Variants in ORC1 observed in about 807,000 individuals in gnomAD.
ORC1 encodes the protein origin recognition complex subunit 1, also known as origin recognition complex, subunit 1 homolog.
ORC1 carries 61 observed loss-of-function variants against 98.9 expected under a neutral mutation model. That is an observed-to-expected ratio of 0.62 (90% CI 0.50 to 0.76). The LOEUF is 0.76. Ranked by LOEUF, ORC1 falls within the 30% of genes least tolerant of loss-of-function variation. The pLI is 0.00. For missense variants in ORC1, 979 were observed against 1,072.2 expected (o/e 0.91, Z 1.21); for synonymous variants, 385 against 406.9 (o/e 0.95, Z 0.65).
At chr1:52,374,125 C>T (rs986941326) in intron 16 of ORC1, among the ~76,000 whole-genome samples, 1 of 152,162 alleles carries the variant, frequency 6.6e-6, no homozygotes, top group Non-Finnish European at 1.5e-5. Context: ...GAAATGTTTA[C>T]AAACTAAAAT....
chr1:52,375,483 G>A lies in ORC1; in HGVS notation c.2250C>T (p.His750=), dbSNP rs763565185. 1 of 1,614,200 alleles carries A rather than the reference G, an allele frequency of 6.2e-7. No homozygotes were observed. Among genetic ancestry groups the A allele is most frequent in the Non-Finnish European group, 8.5e-7 (1 of 1,180,026 alleles). Residue 750 remains histidine (H), a synonymous_variant, in exon 15 of 17, where the codon CAC becomes CAT. Coordinates refer to ENST00000371568, the MANE Select transcript of ORC1 (RefSeq NM_004153.4). The part of the protein sequence containing the change: ...PDSPGLVTIA[H]SMEAVDEMFS... ...ACATCTCATCCACAGCTTCCATTGA[G>A]TGGGCTATGGTGACCAGGCCAGGGG...
chr1:52,401,721 T>C (rs541353772), intron 2 of ORC1, among the ~76,000 whole-genome samples: 1 of 152,296 alleles, frequency 6.6e-6, no homozygotes, highest in African/African-American at 2.4e-5. Context: ...CTAATTCCTC[T>C]CAGTTATTGA....
At position 52,375,606 on chromosome 1, in the gene ORC1, G is replaced by T; in HGVS notation, c.2134-7C>A. The T allele has an allele frequency of 6.2e-7, 1 of 1,613,410 alleles. No individual in the cohort carries two copies. Among genetic ancestry groups the T allele is most frequent in the Non-Finnish European group, 8.5e-7 (1 of 1,179,942 alleles). ...CTCCAGACAGTGCTGCTACCTACAA[G>T]AGGGAATATTTTATTCCTGAGGCCA... On this transcript the variant is annotated splice_region_variant and splice_polypyrimidine_tract_variant and intron_variant, in intron 14 of 16. Transcript: ENST00000371568.
intron 3 of ORC1, among the ~76,000 whole-genome samples, chr1:52,400,482 G>A (rs1230512561): frequency 3.3e-5 from 5 of 152,186 alleles, no homozygotes; most frequent in Admixed American, 6.5e-5. Context: ...GTGAAACCAC[G>A]GATAAGGGGG....
chr1:52,395,938 C>A, intron 5 of ORC1, 108 bp downstream of exon 5: 2 of 1,538,462 alleles, frequency 1.3e-6, no homozygotes, highest in Non-Finnish European at 1.8e-6. Context: ...GAGTTCCAGG[C>A]TATAGTGCAC....
At chr1:52,396,996 T>C (rs1647433902) in intron 4 of ORC1, among the ~76,000 whole-genome samples, 1 of 152,244 alleles carries the variant, frequency 6.6e-6, no homozygotes, top group Admixed American at 6.5e-5. Context: ...CTCCAAGCCC[T>C]GTGCCTCTCC....
chr1:52,396,794 C>A (rs1226664063), intron 4 of ORC1, among the ~76,000 whole-genome samples: 3 of 152,196 alleles, frequency 2.0e-5, no homozygotes, highest in Non-Finnish European at 4.4e-5. Context: ...AGTTTCCCCA[C>A]AAACTTATCT....
intron 5 of ORC1, among the ~76,000 whole-genome samples, chr1:52,394,197 G>A (rs1043832161): frequency 3.9e-5 from 6 of 152,156 alleles, no homozygotes; most frequent in Non-Finnish European, 8.8e-5. Flanking sequence ...GTAACAATGA[G>A]GCCAAGATTT....
At chr1:52,404,700 A>G (rs544190409), upstream of ORC1, 1 of 1,591,932 alleles carries the variant, frequency 6.3e-7, no homozygotes, top group East Asian at 2.2e-5. Flanking sequence ...CTGAACCTGG[A>G]TGTGAGGCAT....
chr1:52,408,443 C>T, upstream of ORC1: 5 of 1,288,766 alleles, frequency 3.9e-6, no homozygotes, highest in Non-Finnish European at 5.6e-6. Flanking sequence ...TCTACCTCCA[C>T]AATTGCAGCT....
intron 16 of ORC1, among the ~76,000 whole-genome samples, chr1:52,374,076 A>G (rs1224624411): frequency 6.6e-6 from 1 of 152,226 alleles, no homozygotes; most frequent in African/African-American, 2.4e-5. Context: ...TTGGGGTTCA[A>G]GGATTCATCA....
At chr1:52,381,000 T>C (rs1489018404) in intron 14 of ORC1, among the ~76,000 whole-genome samples, 2 of 152,226 alleles carry the variant, frequency 1.3e-5, no homozygotes, top group East Asian at 3.8e-4. Flanking sequence ...AATAAGTTTA[T>C]AATTATTTTA....
At chr1:52,394,699 A>G (rs1431647682) in intron 5 of ORC1, among the ~76,000 whole-genome samples, 1 of 152,036 alleles carries the variant, frequency 6.6e-6, no homozygotes, top group Non-Finnish European at 1.5e-5. Context: ...CTCAGACTGG[A>G]GTGCAATAGC....
chr1:52,376,385 C>T (rs1341410648), intron 14 of ORC1, among the ~76,000 whole-genome samples: 2 of 152,058 alleles, frequency 1.3e-5, no homozygotes, highest in Admixed American at 6.6e-5. Context: ...CATGGTGGCA[C>T]ATGCCTGTAA....
chr1:52,404,746 T>C (rs1647921928), upstream of ORC1: 2 of 1,612,334 alleles, frequency 1.2e-6, no homozygotes, highest in Non-Finnish European at 8.5e-7. Context: ...GAAGGCATTC[T>C]AAAATGGCTA....
chr1:52,394,068 C>G (rs1007226862), intron 5 of ORC1, among the ~76,000 whole-genome samples: 2 of 152,188 alleles, frequency 1.3e-5, no homozygotes, highest in Non-Finnish European at 2.9e-5. Flanking sequence ...TTTCTCATCT[C>G]TAACAGGTTT....
intron 1 of ORC1, among the ~76,000 whole-genome samples, chr1:52,403,947 A>T (rs1647860135): frequency 6.6e-6 from 1 of 152,174 alleles, no homozygotes; most frequent in Non-Finnish European, 1.5e-5. Flanking sequence ...AGATGGAGGG[A>T]AAGTCATCAC....
At chr1:52,393,071 C>G (rs911757935) in intron 6 of ORC1, among the ~76,000 whole-genome samples, 10 of 152,146 alleles carry the variant, frequency 6.6e-5, no homozygotes, top group African/African-American at 2.4e-4. Context: ...GAAACAACAA[C>G]AACAATGAAA....
intron 14 of ORC1, 104 bp downstream of exon 14, chr1:52,381,538 T>G: frequency 1.6e-6 from 2 of 1,227,994 alleles, no homozygotes; most frequent in Non-Finnish European, 2.3e-6. Flanking sequence ...TACACGACTT[T>G]CTAAATTTCT....
Sources: allele counts gnomAD v4.1 joint callset (sites outside exome capture counted in the v4.1 genomes callset), GRCh38; gene constraint gnomAD v4.1.1; transcripts MANE v1.5; gene names NCBI Gene and HGNC (gene_info 2026-07-23, HGNC 2026-07-21).